Variants in FGD5 observed in about 807,000 individuals in gnomAD.
The protein encoded by FGD5 is FYVE, RhoGEF and PH domain containing 5.
In FGD5, 28 loss-of-function variants were observed where a neutral mutation model predicts 133.4. That is an observed-to-expected ratio of 0.21 (90% confidence interval 0.16 to 0.29). The LOEUF is 0.29. FGD5 is among the 10% of genes least tolerant of loss of function. FGD5 has a pLI of 1.00. For missense variants in FGD5, 1,858 were observed against 1,895.2 expected, an observed-to-expected ratio of 0.98 and a Z score of 0.36; for synonymous variants, 810 against 776.5, an observed-to-expected ratio of 1.04 and a Z score of -0.72.
At chr3:14,880,958 C>A (rs1030650546) in intron 4 of FGD5, among the ~76,000 whole-genome samples, 186 bp downstream of exon 4, 2 of 152,174 alleles carry the variant, frequency 1.3e-5, no homozygotes, top group Admixed American at 1.3e-4. Context: ...GGGCAGACAG[C>A]GGATGCGTCT....
chr3:14,862,589 G>C (rs959915239), intron 1 of FGD5, among the ~76,000 whole-genome samples: 2 of 152,164 alleles, frequency 1.3e-5, no homozygotes, highest in Admixed American at 1.3e-4. Context: ...GTATACCTTG[G>C]TAGTAGGTAT....
upstream of FGD5, among the ~76,000 whole-genome samples, chr3:14,818,357 A>G (rs2036410994): frequency 6.6e-6 from 1 of 152,176 alleles, no homozygotes; most frequent in Admixed American, 6.5e-5. Context: ...CGTGTCATTC[A>G]TGAAGGGATG....
At chr3:14,868,103 A>G (rs1436429366) in intron 2 of FGD5, among the ~76,000 whole-genome samples, 2 of 151,946 alleles carry the variant, frequency 1.3e-5, no homozygotes, top group Non-Finnish European at 2.9e-5. Flanking sequence ...AGAGGAAGGG[A>G]GAGAAGGAAA....
chr3:14,837,181 G>C (rs2036831890), intron 1 of FGD5, among the ~76,000 whole-genome samples: 1 of 152,186 alleles, frequency 6.6e-6, no homozygotes, highest in Non-Finnish European at 1.5e-5. Context: ...GGCCCTGCGT[G>C]CCCTTGCCAT....
At position 14,819,611 on chromosome 3, in the gene FGD5, C is replaced by G. The variant is rs78486459; in HGVS notation, c.540C>G (p.Asp180Glu). 4.7e-4 allele frequency: 732 copies of G among 1,551,418 alleles called. 5 individuals carry two copies. The African/African-American group carries it at 8.6e-3, about 18-fold the overall frequency. Residue 180 changes from aspartate to glutamate, a missense_variant, in exon 1 of 20, where the codon GAC becomes GAG. Asp to Glu is a conservative substitution (Grantham distance 45). This residue lies in a region of FGD5 where 1,824 missense variants were observed against 1,848.9 expected (regional missense o/e 0.99). Transcript: ENST00000285046. The surrounding 1 kb of genome is among the most constrained non-coding windows in gnomAD (Gnocchi z 4.1). ...VQPHRECSLE[D>E]SGPWAGEGVF... is the part of the protein sequence containing the mutation. ...CACACAGGGAGTGCAGCCTGGAGGA[C>G]AGTGGGCCTTGGGCTGGAGAGGGGG...
At chr3:14,908,552 A>T (rs977006651) in intron 10 of FGD5, among the ~76,000 whole-genome samples, 36 of 152,316 alleles carry the variant, frequency 2.4e-4, no homozygotes, top group African/African-American at 8.7e-4. Context: ...TGGAAAAAAT[A>T]ATTTAGAAAA....
In FGD5 at chr3:14,880,539, T is replaced by A. The variant is rs199752593; in HGVS notation, c.2659-33T>A. On this transcript the variant is annotated intron_variant, in intron 2 of 19. Coordinates refer to ENST00000285046, the MANE Select transcript of FGD5 (RefSeq NM_152536.4). ...GCCTCCTCTAGAAACCACTGATGCC[T>A]GTCCCACCTGATTGCTCTCTTTCCT... The A allele has an allele frequency of 3.7e-6, 6 of 1,610,090 alleles. No individual in the cohort carries two copies. The African/African-American group carries it at 8.0e-5, about 22-fold the overall frequency.
chr3:14,860,402 T>C (rs1469441381), intron 1 of FGD5, among the ~76,000 whole-genome samples: 2 of 152,244 alleles, frequency 1.3e-5, no homozygotes, highest in African/African-American at 4.8e-5. Flanking sequence ...TCATAATTCC[T>C]ATATAGGACA....
chr3:14,905,902 C>T (rs1342300856), intron 9 of FGD5, among the ~76,000 whole-genome samples: 2 of 151,988 alleles, frequency 1.3e-5, no homozygotes, highest in Non-Finnish European at 2.9e-5. Flanking sequence ...TGAGGTAAAT[C>T]GTATTTACCC....
intron 16 of FGD5, 56 bp downstream of exon 16, chr3:14,923,231 T>A (rs2038723266): frequency 6.4e-7 from 1 of 1,562,948 alleles, no homozygotes; most frequent in Non-Finnish European, 8.7e-7. Flanking sequence ...CTCCCCAGGC[T>A]CCAGTGGCTT....
upstream of FGD5, among the ~76,000 whole-genome samples, chr3:14,818,328 C>T (rs1290703396): frequency 2.0e-5 from 3 of 152,204 alleles, no homozygotes; most frequent in Non-Finnish European, 2.9e-5. Context: ...AAGCACACAT[C>T]ACTCTTTCAA....
At chr3:14,904,670 C>G (rs565817116) in intron 9 of FGD5, among the ~76,000 whole-genome samples, 5 of 152,284 alleles carry the variant, frequency 3.3e-5, no homozygotes, top group African/African-American at 9.6e-5. Flanking sequence ...AGCCAAGATA[C>G]AGGCATTAGG....
rs778795514 is a variant in FGD5, at chr3:14,922,419, G to C, written c.3678G>C (p.Glu1226Asp). 6.4e-7 allele frequency: 1 copy of C among 1,566,844 alleles called. No homozygotes were observed. Among genetic ancestry groups the C allele is most frequent in the South Asian group, 1.2e-5 (1 of 84,904 alleles). ...AAFHHSVEIR[E>D]RLGVSLGERP... The stretch of plus-strand genomic sequence containing the variant: ...CAATTCTGTTGCTGCAGATACGAGA[G>C]AGGCTGGGGGTTAGCCTTGGGGAGA... The change falls in exon 15 of 20, where the codon GAG becomes GAC. Residue 1226 changes from glutamate (E) to aspartate (D), a missense_variant. By Grantham distance (45) the Glu-to-Asp change is conservative. Transcript: ENST00000285046. This position sits in a 1 kb window ranked among gnomAD's most constrained non-coding sequence, Gnocchi z 4.1.
At chr3:14,891,794 A>G (rs1206095015) in intron 4 of FGD5, among the ~76,000 whole-genome samples, 6 of 152,186 alleles carry the variant, frequency 3.9e-5, no homozygotes, top group Non-Finnish European at 2.9e-5. Flanking sequence ...CTCTGGGCAG[A>G]TGTTGGAGGC....
At chr3:14,856,653 T>C (rs1284046776) in intron 1 of FGD5, among the ~76,000 whole-genome samples, 1 of 152,186 alleles carries the variant, frequency 6.6e-6, no homozygotes, top group African/African-American at 2.4e-5. Flanking sequence ...ATTGTGATTT[T>C]TTTTTTGTAG....
At chr3:14,826,420 G>A (rs919771838) in intron 1 of FGD5, among the ~76,000 whole-genome samples, 3 of 152,310 alleles carry the variant, frequency 2.0e-5, no homozygotes, top group African/African-American at 7.2e-5. Context: ...CCCGAGGAGA[G>A]CCTGTGAAAG....
In FGD5 at chr3:14,867,587, C is replaced by G. The variant is rs78271585; in HGVS notation, c.2658+3327C>G. Among the ~76,000 whole-genome samples the G allele has an allele frequency of 4.7e-4, 72 of 152,268 alleles. 1 individual carries two copies. In the East Asian group the frequency reaches 0.013, roughly 27 times the overall value. On this transcript the variant is annotated intron_variant, in intron 2 of 19. Transcript: ENST00000285046. ...TCCCCCAAGAGGCTGTGACAGCAGA[C>G]TCCCTGGCCACCCTTGGTGCCCAGA...
intron 4 of FGD5, chr3:14,882,278 T>C: frequency 3.0e-6 from 3 of 985,294 alleles, no homozygotes; most frequent in Non-Finnish European, 3.6e-6. Context: ...TATGACTTCA[T>C]AAGAGGGTTT....
At chr3:14,870,013 A>G (rs1015455699) in intron 2 of FGD5, among the ~76,000 whole-genome samples, 1 of 152,248 alleles carries the variant, frequency 6.6e-6, no homozygotes, top group African/African-American at 2.4e-5. Flanking sequence ...AGGAACTGCC[A>G]TATAGTTTTC....
Sources: gnomAD v4.1 joint callset for allele counts (sites outside exome capture counted in the v4.1 genomes callset) on GRCh38, gnomAD v4.1.1 for gene constraint, gnomAD v4.1.1 regional missense constraint, Gnocchi (gnomAD v3.1) non-coding constraint, MANE v1.5 for transcripts, NCBI Gene and HGNC (gene_info 2026-07-23, HGNC 2026-07-21) for gene names.